Variants in GPC5 observed in about 807,000 individuals in gnomAD.
GPC5 encodes glypican 5.
In GPC5, 47 loss-of-function variants were observed where a neutral mutation model predicts 53.9. That is an observed-to-expected ratio of 0.87 (90% CI 0.69 to 1.11). The LOEUF is 1.11. Ranked by LOEUF, GPC5 falls within the 50% of genes most tolerant of loss-of-function variation. The pLI is 0.00. For missense variants in GPC5, 748 were observed against 713.1 expected, an observed-to-expected ratio of 1.05 and a Z score of -0.56; for synonymous variants, 286 against 263.3, an observed-to-expected ratio of 1.09 and a Z score of -0.84.
At chr13:91,723,465 A>C (rs1321201003) in intron 3 of GPC5, among the ~76,000 whole-genome samples, 1 of 81,014 alleles carries the variant, frequency 1.2e-5, no homozygotes, top group East Asian at 4.8e-4. Context: ...AATGAGAATT[A>C]ATCTCTCCCT....
At chr13:92,075,708 T>C (rs2041246619) in intron 6 of GPC5, among the ~76,000 whole-genome samples, 1 of 152,180 alleles carries the variant, frequency 6.6e-6, no homozygotes, top group South Asian at 2.1e-4. Context: ...ACTGGCTTAT[T>C]ATTATTTCTG....
At chr13:92,008,555 A>C (rs1409532365) in intron 6 of GPC5, among the ~76,000 whole-genome samples, 1 of 152,058 alleles carries the variant, frequency 6.6e-6, no homozygotes, top group Non-Finnish European at 1.5e-5. Flanking sequence ...TATCTTTTTA[A>C]AAAATAATTT....
chr13:91,903,847 T>C (rs939243675), intron 5 of GPC5, among the ~76,000 whole-genome samples: 1 of 152,084 alleles, frequency 6.6e-6, no homozygotes, highest in African/African-American at 2.4e-5. Flanking sequence ...AAGCAATTCC[T>C]TAGATTAACA....
chr13:92,736,441 A>G (rs1888936728), intron 7 of GPC5, among the ~76,000 whole-genome samples: 1 of 151,978 alleles, frequency 6.6e-6, no homozygotes, highest in African/African-American at 2.4e-5. Flanking sequence ...CCTTGCAATA[A>G]TAGTGCACTT....
At chr13:92,115,422 C>T (rs1457077415) in intron 6 of GPC5, among the ~76,000 whole-genome samples, 3 of 152,130 alleles carry the variant, frequency 2.0e-5, no homozygotes, top group Non-Finnish European at 2.9e-5. Flanking sequence ...AGGAGAGTTG[C>T]TTGAACACGG....
intron 7 of GPC5, among the ~76,000 whole-genome samples, chr13:92,776,062 G>A (rs906593012): frequency 3.3e-5 from 5 of 152,204 alleles, no homozygotes; most frequent in Non-Finnish European, 7.3e-5. Flanking sequence ...CAACACAGAT[G>A]TATTATCTGA....
At chr13:92,723,088 A>C (rs569709162) in intron 7 of GPC5, among the ~76,000 whole-genome samples, 2 of 151,870 alleles carry the variant, frequency 1.3e-5, no homozygotes, top group East Asian at 3.9e-4. Context: ...CCTTGAGGAT[A>C]TCTGAGGCTT....
At chr13:91,787,981 A>G (rs1323332398) in intron 5 of GPC5, among the ~76,000 whole-genome samples, 2 of 152,184 alleles carry the variant, frequency 1.3e-5, no homozygotes, top group Admixed American at 6.5e-5. Context: ...TAACCATTTT[A>G]TCTCCTGAGG....
chr13:91,932,282 C>T (rs2039829283), intron 6 of GPC5, among the ~76,000 whole-genome samples: 1 of 152,038 alleles, frequency 6.6e-6, no homozygotes, highest in African/African-American at 2.4e-5. Flanking sequence ...TCACAGGATG[C>T]ATGGGCATGT....
intron 6 of GPC5, among the ~76,000 whole-genome samples, chr13:91,963,660 G>C (rs1302123158): frequency 6.6e-6 from 1 of 152,080 alleles, no homozygotes; most frequent in Non-Finnish European, 1.5e-5. Context: ...CAGGAACAGA[G>C]ACAAAAAGAT....
intron 7 of GPC5, among the ~76,000 whole-genome samples, chr13:92,252,385 T>G (rs2042698535): frequency 1.3e-5 from 2 of 152,122 alleles, no homozygotes; most frequent in African/African-American, 4.8e-5. Flanking sequence ...GCTCCCTGCG[T>G]AGATGCAGTG....
chr13:91,675,908 C>T (rs1235811024), intron 2 of GPC5, among the ~76,000 whole-genome samples: 1 of 152,156 alleles, frequency 6.6e-6, no homozygotes, highest in Non-Finnish European at 1.5e-5. Context: ...TCGAATATCT[C>T]ACTCCAGGGT....
intron 7 of GPC5, among the ~76,000 whole-genome samples, chr13:92,243,348 T>C (rs920647793): frequency 2.6e-5 from 4 of 152,054 alleles, no homozygotes; most frequent in Admixed American, 6.6e-5. Context: ...CCCACTGCAG[T>C]ATAAGTAATT....
chr13:92,412,004 A>G (rs1262273647), intron 7 of GPC5, among the ~76,000 whole-genome samples: 1 of 152,188 alleles, frequency 6.6e-6, no homozygotes, highest in East Asian at 1.9e-4. Flanking sequence ...CCATGATTGC[A>G]CACACTCTAC....
chr13:92,610,195 CATT>C (rs1884390960), intron 7 of GPC5, among the ~76,000 whole-genome samples: 2 of 152,002 alleles, frequency 1.3e-5, no homozygotes, highest in Admixed American at 1.3e-4. Flanking sequence ...CTGGGTTCAT[CATT>C]ATTATGGATA....
chr13:92,533,097 C>T (rs1174336764), intron 7 of GPC5, among the ~76,000 whole-genome samples: 1 of 152,028 alleles, frequency 6.6e-6, no homozygotes, highest in Non-Finnish European at 1.5e-5. Context: ...TTCATTTCTT[C>T]TTGATATTTA....
chr13:92,644,210 A>C (rs771441669), intron 7 of GPC5, among the ~76,000 whole-genome samples: 3 of 152,200 alleles, frequency 2.0e-5, no homozygotes, highest in Admixed American at 6.5e-5. Flanking sequence ...TTTTATTCAT[A>C]CACAGGCACA....
chr13:91,737,289 C>G (rs1275345098), intron 4 of GPC5, among the ~76,000 whole-genome samples: 2 of 151,284 alleles, frequency 1.3e-5, no homozygotes, highest in African/African-American at 4.9e-5. Flanking sequence ...CTGTTGAGGC[C>G]TAGTGCAAGA....
Position 91,962,636 on chromosome 13 carries a change from C to T in GPC5, c.1401+54579C>T, listed in dbSNP as rs566974810. Among the ~76,000 whole-genome samples, 5 of 152,108 alleles carry T rather than the reference C, an allele frequency of 3.3e-5. No homozygotes were observed. The South Asian group carries it at 8.3e-4, about 25-fold the overall frequency. ...TTTTGAAATTTCCATTATGACTCATCCATGGCAAATAAAATGGACTCTCAG... is the reference window on the plus strand; with the variant it reads ...TTTTGAAATTTCCATTATGACTCATTCATGGCAAATAAAATGGACTCTCAG... On this transcript the variant is annotated intron_variant, in intron 6 of 7. Coordinates refer to ENST00000377067, the MANE Select transcript of GPC5 (RefSeq NM_004466.6).
Sources: allele counts gnomAD v4.1 joint callset (sites outside exome capture counted in the v4.1 genomes callset), GRCh38; gene constraint gnomAD v4.1.1; transcripts MANE v1.5; gene names NCBI Gene and HGNC (gene_info 2026-07-23, HGNC 2026-07-21).